The following MICAL2 variants were observed in gnomAD, a reference collection of about 807,000 sequenced individuals.
MICAL2 encodes microtubule associated monooxygenase, calponin and LIM domain containing 2.
A neutral mutation model predicts 127.3 loss-of-function variants in MICAL2; 77 were observed. That is an observed-to-expected ratio of 0.60 (90% CI 0.50 to 0.73). The LOEUF is 0.73. Among genes scored for constraint, MICAL2 ranks in the 30% least tolerant of loss-of-function variants. The pLI is 0.00. For missense variants in MICAL2, 1,351 were observed against 1,434.4 expected (o/e 0.94, Z 0.94); for synonymous variants, 570 against 551.1 (o/e 1.03, Z -0.48).
intron 29 of MICAL2, among the ~76,000 whole-genome samples, chr11:12,299,508 T>G (rs974779867): frequency 6.6e-6 from 1 of 152,232 alleles, no homozygotes; most frequent in Admixed American, 6.5e-5. Context: ...AAATTAATGG[T>G]GTACATAAAC....
chr11:12,174,694 T>A (rs991098690), intron 3 of MICAL2, among the ~76,000 whole-genome samples: 4 of 152,176 alleles, frequency 2.6e-5, no homozygotes, highest in Non-Finnish European at 5.9e-5. Context: ...ATTTTAGGTA[T>A]ATACCAGGAG....
At chr11:12,292,485 G>C (rs1863917962), downstream of MICAL2, among the ~76,000 whole-genome samples, 1 of 152,198 alleles carries the variant, frequency 6.6e-6, no homozygotes, top group East Asian at 1.9e-4. Flanking sequence ...AAAAGCTCCT[G>C]CTGTTCCTTC....
chr11:12,319,576 T>G (rs1590735896), intron 29 of MICAL2: 2 of 708,640 alleles, frequency 2.8e-6, no homozygotes. Flanking sequence ...GCAGGTGCAG[T>G]GAGGGGAGGG....
rs1380094179 is a variant in MICAL2 at position 12,121,219 on chromosome 11, C to T, written c.-149+10493C>T. Among the ~76,000 whole-genome samples the T allele has an allele frequency of 7.9e-5, 12 of 152,284 alleles. No homozygotes were observed. The South Asian group carries it at 1.0e-3, about 13-fold the overall frequency. On this transcript the variant is annotated intron_variant, in intron 1 of 27. Coordinates refer to ENST00000683283, the MANE Select transcript of MICAL2 (RefSeq NM_001282663.2). ...CTGCTTCACTTTCACCACCTCGCTG[C>T]GGGCTAAGCTCTTCACACGGATCTT...
At chr11:12,357,524 AGTTT>A (rs777558349) in intron 34 of MICAL2, among the ~76,000 whole-genome samples, 2 of 152,142 alleles carry the variant, frequency 1.3e-5, no homozygotes, top group Non-Finnish European at 2.9e-5. Context: ...ACAAAAGGCT[AGTTT>A]GTCATTAACT....
intron 25 of MICAL2, 131 bp downstream of exon 25, chr11:12,258,687 C>T: frequency 1.3e-6 from 1 of 781,320 alleles, no homozygotes; most frequent in South Asian, 1.7e-5. Context: ...AGAAGAAAGC[C>T]TCTGCTTCCT....
intron 3 of MICAL2, among the ~76,000 whole-genome samples, chr11:12,178,562 T>A (rs963197597): frequency 3.3e-5 from 5 of 152,002 alleles, no homozygotes; most frequent in Non-Finnish European, 7.4e-5. Context: ...GCCTGAAGAG[T>A]TTAAGTTGGC....
intron 1 of MICAL2, among the ~76,000 whole-genome samples, chr11:12,125,532 GCGTGAGCCAC>G (rs1850848803): frequency 6.6e-6 from 1 of 151,752 alleles, no homozygotes. Flanking sequence ...GGGATTACAG[GCGTGAGCCAC>G]CGTGCCCGGC....
upstream of MICAL2, among the ~76,000 whole-genome samples, chr11:12,271,515 G>T (rs1863675920): frequency 6.6e-6 from 1 of 152,184 alleles, no homozygotes; most frequent in African/African-American, 2.4e-5. Context: ...GGCCTGGTGG[G>T]TGTTCTCTCT....
rs1857579598 is a variant in MICAL2 at position 12,227,111 on chromosome 11, C to A, written c.1975C>A (p.Pro659Thr). ...TAATAACTATCTCAACCTCACATTTCCAAGGAAGAGGACTCCACGGGTAAG... is the reference window on the plus strand; with the variant it reads ...TAATAACTATCTCAACCTCACATTTACAAGGAAGAGGACTCCACGGGTAAG... Reference protein sequence around the residue: ...ISNNYLNLTFPRKRTPRVDGQ... With the variant: ...ISNNYLNLTFTRKRTPRVDGQ... The change falls in exon 15 of 28, where the codon CCA becomes ACA. Residue 659 changes from proline to threonine, a missense_variant. Pro to Thr is a conservative substitution (Grantham distance 38). Coordinates refer to ENST00000683283, the MANE Select transcript of MICAL2 (RefSeq NM_001282663.2). 1 of 1,613,596 alleles carries A rather than the reference C, an allele frequency of 6.2e-7. No individual in the cohort carries two copies. The highest frequency in any genetic ancestry group is 1.7e-5 in the Admixed American group (1 of 59,974).
chr11:12,210,298 C>T (rs1855282680), intron 6 of MICAL2, among the ~76,000 whole-genome samples: 1 of 152,202 alleles, frequency 6.6e-6, no homozygotes, highest in Admixed American at 6.5e-5. Flanking sequence ...ACAGGCTGTA[C>T]TCATTGATAT....
intron 2 of MICAL2, among the ~76,000 whole-genome samples, chr11:12,156,315 A>G (rs1220896413): frequency 2.0e-5 from 3 of 152,202 alleles, no homozygotes; most frequent in Non-Finnish European, 2.9e-5. Flanking sequence ...TTCAGTGTGC[A>G]TGGAAAGGGG....
chr11:12,354,705 C>A, intron 33 of MICAL2: 1 of 1,141,106 alleles, frequency 8.8e-7, no homozygotes, highest in Non-Finnish European at 1.3e-6. Context: ...AATGCTGTAG[C>A]TACTCTCAAT....
intron 11 of MICAL2, 27 bp downstream of exon 11, chr11:12,222,770 G>A: frequency 8.7e-6 from 14 of 1,613,700 alleles, no homozygotes; most frequent in Non-Finnish European, 1.2e-5. Context: ...GGCTCTGTCT[G>A]AATCACTCTG....
chr11:12,257,547 CA>C (rs1370140298), intron 24 of MICAL2, among the ~76,000 whole-genome samples: 1 of 152,178 alleles, frequency 6.6e-6, no homozygotes, highest in Non-Finnish European at 1.5e-5. Context: ...GCATGGTGCT[CA>C]ATACACACCC....
At chr11:12,291,176 G>A (rs1468659285), downstream of MICAL2, among the ~76,000 whole-genome samples, 2 of 152,144 alleles carry the variant, frequency 1.3e-5, no homozygotes, top group African/African-American at 2.4e-5. Flanking sequence ...TGGTTGGGCT[G>A]GGGGTAGGTA....
chr11:12,146,648 G>A (rs1192428179), intron 2 of MICAL2, among the ~76,000 whole-genome samples: 1 of 152,216 alleles, frequency 6.6e-6, no homozygotes, highest in African/African-American at 2.4e-5. Context: ...GTGGAAGACA[G>A]TGTGGCGAGT....
At chr11:12,201,916 C>T (rs1445262846) in intron 3 of MICAL2, among the ~76,000 whole-genome samples, 1 of 152,132 alleles carries the variant, frequency 6.6e-6, no homozygotes, top group Non-Finnish European at 1.5e-5. Context: ...GTTGGGAGTT[C>T]AAGACCAGCC....
At chr11:12,327,431 C>T (rs1864367432) in intron 32 of MICAL2, among the ~76,000 whole-genome samples, 1 of 152,258 alleles carries the variant, frequency 6.6e-6, no homozygotes, top group African/African-American at 2.4e-5. Flanking sequence ...ACTATTGTTT[C>T]TCGGCCTTTT....
Sources: gnomAD v4.1 joint callset for allele counts (sites outside exome capture counted in the v4.1 genomes callset) on GRCh38, gnomAD v4.1.1 for gene constraint, MANE v1.5 for transcripts, NCBI Gene and HGNC (gene_info 2026-07-23, HGNC 2026-07-21) for gene names.